The following LRRC37B variants were observed in gnomAD, a reference collection of about 807,000 sequenced individuals.
The protein encoded by LRRC37B is leucine rich repeat containing 37B.
A neutral mutation model predicts 98.3 loss-of-function variants in LRRC37B; 28 were observed. That is an observed-to-expected ratio of 0.28 (90% CI 0.21 to 0.39). The LOEUF (loss-of-function observed/expected upper bound fraction) is 0.39. LRRC37B is among the 10% of genes least tolerant of loss of function. The pLI is 1.00. For missense variants in LRRC37B, 938 were observed against 1,182.7 expected (o/e 0.79, Z 3.03); for synonymous variants, 364 against 442.7 (o/e 0.82, Z 2.23).
intron 5 of LRRC37B, among the ~76,000 whole-genome samples, chr17:32,034,368 G>A (rs1911183973): frequency 6.6e-6 from 1 of 151,876 alleles, no homozygotes; most frequent in Admixed American, 6.6e-5. Flanking sequence ...TGGGCGTGGT[G>A]GTGGGCAACT....
intron 2 of LRRC37B, among the ~76,000 whole-genome samples, chr17:32,025,709 T>C (rs1910934211): frequency 1.3e-5 from 2 of 152,340 alleles, no homozygotes; most frequent in African/African-American, 2.4e-5. Flanking sequence ...AATTTCCCCA[T>C]TGATGAATGT....
intron 11 of LRRC37B, among the ~76,000 whole-genome samples, chr17:32,050,738 CA>C: frequency 6.6e-6 from 1 of 152,000 alleles, no homozygotes; most frequent in African/African-American, 2.4e-5. Flanking sequence ...GATGTGTCAC[CA>C]TTTCTTGGAC....
upstream of LRRC37B, among the ~76,000 whole-genome samples, chr17:32,007,594 C>T (rs932427884): frequency 2.0e-5 from 3 of 151,934 alleles, no homozygotes; most frequent in South Asian, 4.1e-4. This position sits in a 1 kb window ranked among gnomAD's most constrained non-coding sequence, Gnocchi z 4.1. Context: ...TCTCCCGCCG[C>T]CTGGGCTCCA....
chr17:32,007,815 A>T (rs1008415117), upstream of LRRC37B: 4 of 1,180,738 alleles, frequency 3.4e-6, no homozygotes, highest in Non-Finnish European at 4.2e-6. This position sits in a 1 kb window ranked among gnomAD's most constrained non-coding sequence, Gnocchi z 4.1. Context: ...GGGCAGCAGT[A>T]GCCGGAGGAA....
intron 1 of LRRC37B, among the ~76,000 whole-genome samples, chr17:32,009,714 T>C (rs976162773): frequency 6.6e-6 from 1 of 152,018 alleles, no homozygotes; most frequent in Non-Finnish European, 1.5e-5. Context: ...CTCACTGCAG[T>C]CTGTCATTCC....
intron 1 of LRRC37B, among the ~76,000 whole-genome samples, chr17:32,008,977 G>A (rs892748825): frequency 3.9e-5 from 6 of 152,130 alleles, no homozygotes; most frequent in Non-Finnish European, 7.4e-5. Flanking sequence ...TATGATTTCC[G>A]GGTTGTATAT....
intron 6 of LRRC37B, among the ~76,000 whole-genome samples, 187 bp downstream of exon 9, chr17:32,035,168 G>A (rs917863785): frequency 6.6e-6 from 1 of 152,172 alleles, no homozygotes; most frequent in Non-Finnish European, 1.5e-5. Context: ...AGCCAGCGGG[G>A]GAAGAGATTA....
At chr17:32,024,719 A>G (rs754236149) in exon 2 of LRRC37B, 1 of 1,607,350 alleles carries the variant, frequency 6.2e-7, no homozygotes, top group East Asian at 2.2e-5. Context: ...AGAAATTTCC[A>G]AGGAAACTAT....
intron 3 of LRRC37B, chr17:32,029,009 T>A (rs1401767154): frequency 6.6e-6 from 1 of 152,018 alleles, no homozygotes; most frequent in African/African-American, 2.4e-5. Context: ...TTTTATTTAT[T>A]ATTTTTTTTT....
chr17:32,007,845 C>G, upstream of LRRC37B: 1 of 1,162,934 alleles, frequency 8.6e-7, no homozygotes, highest in Non-Finnish European at 1.1e-6. The surrounding 1 kb of genome is among the most constrained non-coding windows in gnomAD (Gnocchi z 4.1). Context: ...GCCGGCCCGC[C>G]CCGCGCCGGC....
intron 7 of LRRC37B, among the ~76,000 whole-genome samples, chr17:32,044,393 T>C (rs1254754490): frequency 1.3e-5 from 2 of 152,092 alleles, no homozygotes; most frequent in Non-Finnish European, 2.9e-5. Context: ...GACATTGGCA[T>C]TTTTTGAGTC....
At chr17:32,007,530 C>T (rs1388620140), upstream of LRRC37B, among the ~76,000 whole-genome samples, 1 of 152,014 alleles carries the variant, frequency 6.6e-6, no homozygotes, top group Non-Finnish European at 1.5e-5. The surrounding 1 kb of genome is among the most constrained non-coding windows in gnomAD (Gnocchi z 4.1). Flanking sequence ...CCAACCCGGC[C>T]CCGGCGCTCC....
intron 9 of LRRC37B, chr17:32,048,859 T>G (rs1911662747): frequency 6.6e-7 from 1 of 1,515,694 alleles, no homozygotes; most frequent in African/African-American, 1.4e-5. Context: ...CTTCAGAACG[T>G]TTTATAGAAA....
At chr17:32,020,955 G>GA, upstream of LRRC37B, 1 of 1,461,892 alleles carries the variant, frequency 6.8e-7, no homozygotes, top group Middle Eastern at 2.2e-4. Context: ...GGCGGGGTGG[G>GA]AAGGGGCGCT....
At position 32,021,795 on chromosome 17, in the gene LRRC37B, C is replaced by T. The variant is rs1382721516; in HGVS notation, c.730C>T (p.Arg244Cys). Residue 244 changes from arginine (R) to cysteine (C), a missense_variant, in exon 1 of 12, where the codon CGT becomes TGT. By Grantham distance (180) the Arg-to-Cys change is radical. Coordinates refer to ENST00000327564, the Ensembl canonical transcript of LRRC37B. ...TCCACACCAATTATCCAAACCTCAG[C>T]GTCAGAAACAGACTTTGCCAGATGA... 9 of 1,614,200 alleles carry T rather than the reference C, an allele frequency of 5.6e-6. 1 individual carries two copies. In the South Asian group the frequency reaches 6.6e-5, roughly 12 times the overall value.
At chr17:32,022,578 G>C in exon 1 of LRRC37B, 1 of 1,613,966 alleles carries the variant, frequency 6.2e-7, no homozygotes, top group Non-Finnish European at 8.5e-7. Flanking sequence ...TCCAGACCAG[G>C]TTCAGACTCT....
intron 1 of LRRC37B, among the ~76,000 whole-genome samples, chr17:32,024,313 G>C (rs1169975141): frequency 1.3e-5 from 2 of 152,146 alleles, no homozygotes; most frequent in African/African-American, 2.4e-5. Context: ...GCCTGGCATG[G>C]GGTTTCTTTC....
rs137974942 is a variant in LRRC37B, at chr17:32,040,501, G to T, written c.2204+4862G>T. 465 of 687,650 alleles carry T rather than the reference G, an allele frequency of 6.8e-4. 6 individuals carry two copies. In the East Asian group the frequency reaches 0.013, roughly 20 times the overall value. The allele number at this position is 687,650 out of a possible 1,614,324, so 42.6% of individuals were successfully genotyped here. Reference sequence around the variant, plus strand: ...CCAGCTGGTCAGTGAGAAGGTCGGAGGGGCTGAGGGGACCAAGCTGGACGA... The same window carrying T: ...CCAGCTGGTCAGTGAGAAGGTCGGATGGGCTGAGGGGACCAAGCTGGACGA... On this transcript the variant is annotated intron_variant, in intron 7 of 11. Transcript: ENST00000327564.
At chr17:32,032,482 C>G (rs1306914739) in intron 5 of LRRC37B, among the ~76,000 whole-genome samples, 1 of 151,918 alleles carries the variant, frequency 6.6e-6, no homozygotes, top group African/African-American at 2.4e-5. Context: ...TATAACATAC[C>G]CAGCAAATCA....
Sources: gnomAD v4.1 joint callset for allele counts (sites outside exome capture counted in the v4.1 genomes callset) on GRCh38, gnomAD v4.1.1 for gene constraint, Gnocchi (gnomAD v3.1) non-coding constraint, MANE v1.5 for transcripts, NCBI Gene and HGNC (gene_info 2026-07-23, HGNC 2026-07-21) for gene names.